The following EPHA6 variants were observed in gnomAD, a reference collection of about 807,000 sequenced individuals.
EPHA6 encodes EPH receptor A6, also known as ephrin type-A receptor 6.
In EPHA6, 50 loss-of-function variants were observed where a neutral mutation model predicts 112.0. That is an observed-to-expected ratio of 0.45 (90% CI 0.36 to 0.56). The LOEUF (loss-of-function observed/expected upper bound fraction) is 0.56, where lower values mean the gene tolerates loss of function less well. Among genes scored for constraint, EPHA6 ranks in the 20% least tolerant of loss-of-function variants. The probability of loss-of-function intolerance (pLI) is 0.00; values close to 1 mark genes in which losing one functional copy is unlikely to be tolerated. For synonymous variants in EPHA6, 529 were observed against 490.7 expected, an observed-to-expected ratio of 1.08 and a Z score of -1.03; for missense variants, 1,280 against 1,417.4, an observed-to-expected ratio of 0.90 and a Z score of 1.56.
At chr3:97,155,823 T>C (rs2076276004) in intron 3 of EPHA6, among the ~76,000 whole-genome samples, 3 of 152,062 alleles carry the variant, frequency 2.0e-5, no homozygotes, top group Non-Finnish European at 4.4e-5. Flanking sequence ...ACCACACATA[T>C]CCTTTTCAAA....
At chr3:97,557,733 C>T (rs2093132074) in intron 11 of EPHA6, among the ~76,000 whole-genome samples, 3 of 151,780 alleles carry the variant, frequency 2.0e-5, no homozygotes, top group Admixed American at 2.0e-4. Flanking sequence ...CTGAATCTAT[C>T]CCCTTTATAT....
chr3:96,921,237 G>C (rs2039745487), intron 2 of EPHA6, among the ~76,000 whole-genome samples: 1 of 152,012 alleles, frequency 6.6e-6, no homozygotes. Context: ...ATGAAAATCA[G>C]TAAGTACTTT....
At position 97,341,132 on chromosome 3, in the gene EPHA6, G is replaced by A. The variant is rs577589108; in HGVS notation, c.1607-64018G>A. Among the ~76,000 whole-genome samples the A allele has an allele frequency of 8.1e-4, 124 of 152,308 alleles. 1 individual carries two copies. The highest frequency in any genetic ancestry group is 1.5e-3 in the Non-Finnish European group (102 of 68,030). On this transcript the variant is annotated intron_variant, in intron 5 of 17. Transcript: ENST00000389672. ...TCTTAAGTACCTGAATACCCAAGGA[G>A]TGAATGGAATCTGCCTTCATTAGCA...
chr3:97,391,582 G>T (rs1361022093), intron 5 of EPHA6, among the ~76,000 whole-genome samples: 1 of 151,878 alleles, frequency 6.6e-6, no homozygotes, highest in Non-Finnish European at 1.5e-5. Flanking sequence ...AAGTAGAAAA[G>T]TGCGGTACAA....
intron 3 of EPHA6, among the ~76,000 whole-genome samples, chr3:97,097,312 A>G (rs1012641114): frequency 1.3e-5 from 2 of 151,958 alleles, no homozygotes; most frequent in South Asian, 2.1e-4. Flanking sequence ...AAGATTGACA[A>G]CATTGCTATA....
chr3:97,547,228 T>C (rs1412578813), intron 11 of EPHA6, among the ~76,000 whole-genome samples: 1 of 152,214 alleles, frequency 6.6e-6, no homozygotes, highest in African/African-American at 2.4e-5. Flanking sequence ...GATGGTGATG[T>C]ACAGATGGGT....
chr3:97,322,472 A>G (rs1283765196), intron 5 of EPHA6, among the ~76,000 whole-genome samples: 1 of 151,986 alleles, frequency 6.6e-6, no homozygotes, highest in Non-Finnish European at 1.5e-5. Context: ...ACTATTCTCA[A>G]AATGACACTG....
At chr3:96,905,212 A>G (rs2038866547) in intron 2 of EPHA6, among the ~76,000 whole-genome samples, 1 of 152,112 alleles carries the variant, frequency 6.6e-6, no homozygotes, top group Non-Finnish European at 1.5e-5. Flanking sequence ...AATTTCATCA[A>G]ATTATAGATA....
chr3:97,499,256 A>G (rs1177842692), intron 10 of EPHA6, among the ~76,000 whole-genome samples: 1 of 152,146 alleles, frequency 6.6e-6, no homozygotes, highest in Admixed American at 6.6e-5. Context: ...ATGGATAAAG[A>G]TATAGCTTCC....
intron 14 of EPHA6, among the ~76,000 whole-genome samples, chr3:97,713,842 A>G (rs185112077): frequency 2.0e-4 from 30 of 152,334 alleles, no homozygotes; most frequent in Admixed American, 3.3e-4. Flanking sequence ...ACTCAACCAT[A>G]AATGATATTA....
intron 10 of EPHA6, among the ~76,000 whole-genome samples, chr3:97,501,986 T>C (rs113828387): frequency 9.9e-5 from 15 of 152,040 alleles, no homozygotes; most frequent in African/African-American, 3.6e-4. Flanking sequence ...AGAGGCCATG[T>C]CTGTGCCTTC....
chr3:97,164,801 A>T (rs1227280053), intron 3 of EPHA6, among the ~76,000 whole-genome samples: 1 of 151,952 alleles, frequency 6.6e-6, no homozygotes, highest in African/African-American at 2.4e-5. Context: ...CTCTGCTTTC[A>T]TGATGTCACT....
At chr3:97,248,701 G>A (rs997832626) in intron 5 of EPHA6, among the ~76,000 whole-genome samples, 2 of 152,050 alleles carry the variant, frequency 1.3e-5, no homozygotes, top group Non-Finnish European at 2.9e-5. Flanking sequence ...GCCTGCCTTA[G>A]GCCCACATTG....
chr3:97,495,697 A>T (rs2091958866), intron 10 of EPHA6, among the ~76,000 whole-genome samples: 2 of 152,092 alleles, frequency 1.3e-5, no homozygotes, highest in South Asian at 4.1e-4. Flanking sequence ...GTGTACTCTT[A>T]TCATAAGAGC....
chr3:97,295,824 T>G (rs1341082572), intron 5 of EPHA6, among the ~76,000 whole-genome samples: 2 of 152,090 alleles, frequency 1.3e-5, no homozygotes, highest in African/African-American at 4.8e-5. Flanking sequence ...CCTCAGTGTG[T>G]TAGTCTGTGG....
At chr3:97,533,306 A>G (rs928241578) in intron 11 of EPHA6, among the ~76,000 whole-genome samples, 2 of 152,062 alleles carry the variant, frequency 1.3e-5, no homozygotes, top group African/African-American at 2.4e-5. Context: ...TTTCATAAAA[A>G]TAACATTTAT....
intron 3 of EPHA6, among the ~76,000 whole-genome samples, chr3:96,991,555 C>A (rs547290765): frequency 6.6e-6 from 1 of 152,224 alleles, no homozygotes; most frequent in South Asian, 2.1e-4. Context: ...GGAGATAGCA[C>A]AAGAGTGAAT....
At chr3:97,013,352 A>T (rs1432829755) in intron 3 of EPHA6, among the ~76,000 whole-genome samples, 1 of 152,156 alleles carries the variant, frequency 6.6e-6, no homozygotes, top group Non-Finnish European at 1.5e-5. Flanking sequence ...GAAATGATAA[A>T]AAAAAAGATT....
chr3:96,964,335 A>C (rs1156571539), intron 2 of EPHA6, among the ~76,000 whole-genome samples: 3 of 152,166 alleles, frequency 2.0e-5, no homozygotes, highest in African/African-American at 7.2e-5. Context: ...CGGTCTATGC[A>C]AGTCCTCTCT....
Sources: allele counts gnomAD v4.1 joint callset (sites outside exome capture counted in the v4.1 genomes callset), GRCh38; gene constraint gnomAD v4.1.1; transcripts MANE v1.5; gene names NCBI Gene and HGNC (gene_info 2026-07-23, HGNC 2026-07-21).